Variants in TRDN observed in about 807,000 individuals in gnomAD.
The protein encoded by TRDN is triadin, also known as triadin in skeletal muscle.
In TRDN, 161 loss-of-function variants were observed where a neutral mutation model predicts 149.7. The ratio of observed to expected loss-of-function variants is 1.08; its 90% confidence interval spans 0.95 to 1.23. The LOEUF (loss-of-function observed/expected upper bound fraction) is 1.23. Ranked by LOEUF, TRDN falls within the 50% of genes most tolerant of loss-of-function variation. TRDN has a pLI of 0.00. For missense variants in TRDN, 896 were observed against 823.5 expected (o/e 1.09, Z -1.08); for synonymous variants, 294 against 250.5 (o/e 1.17, Z -1.64).
At chr6:123,298,953 T>C (rs1161410655) in intron 24 of TRDN, among the ~76,000 whole-genome samples, 2 of 152,086 alleles carry the variant, frequency 1.3e-5, no homozygotes, top group East Asian at 3.8e-4. Flanking sequence ...TTACTTCACC[T>C]AACAAACGGA....
intron 18 of TRDN, among the ~76,000 whole-genome samples, chr6:123,377,460 T>C (rs575359829): frequency 6.6e-6 from 1 of 152,286 alleles, no homozygotes; most frequent in Non-Finnish European, 1.5e-5. Flanking sequence ...AAATCCTTCA[T>C]TTCTAATAAC....
At chr6:123,424,980 G>T (rs1774055210) in intron 12 of TRDN, among the ~76,000 whole-genome samples, 1 of 152,172 alleles carries the variant, frequency 6.6e-6, no homozygotes, top group Non-Finnish European at 1.5e-5. Context: ...TCATATTGTT[G>T]TTACACTATG....
At chr6:123,466,487 A>C (rs1776823468) in intron 9 of TRDN, among the ~76,000 whole-genome samples, 1 of 152,138 alleles carries the variant, frequency 6.6e-6, no homozygotes, top group African/African-American at 2.4e-5. Context: ...GCAGGTTCCC[A>C]AGTTGCAATT....
chr6:123,279,138 A>T, intron 24 of TRDN, 56 bp from the exon 25 acceptor site: 1 of 1,346,752 alleles, frequency 7.4e-7, no homozygotes, highest in Non-Finnish European at 1.0e-6. Context: ...TTATTAAATT[A>T]ACATTATTGA....
At chr6:123,487,199 C>T (rs189089155) in intron 9 of TRDN, among the ~76,000 whole-genome samples, 2 of 152,040 alleles carry the variant, frequency 1.3e-5, no homozygotes, top group East Asian at 3.9e-4. Context: ...ATATATTGCT[C>T]CATTTCAGGT....
intron 21 of TRDN, among the ~76,000 whole-genome samples, chr6:123,341,879 T>C (rs9385298): frequency 0.18 from 28,088 of 151,852 alleles, 3,520 homozygotes; most frequent in East Asian, 0.63. Flanking sequence ...CATAAGAATG[T>C]GAAATAACAG....
intron 26 of TRDN, among the ~76,000 whole-genome samples, chr6:123,276,288 G>A (rs1317411337): frequency 1.3e-5 from 2 of 152,012 alleles, no homozygotes; most frequent in Non-Finnish European, 2.9e-5. Context: ...AAGAAAATGA[G>A]GAACATGTTA....
intron 6 of TRDN, among the ~76,000 whole-genome samples, chr6:123,512,813 G>A (rs553497812): frequency 1.1e-4 from 16 of 151,996 alleles, no homozygotes; most frequent in Admixed American, 2.0e-4. Context: ...ATTAAACTAC[G>A]AAAATTAAGT....
At chr6:123,509,039 T>A (rs974519713) in intron 7 of TRDN, among the ~76,000 whole-genome samples, 2 of 152,060 alleles carry the variant, frequency 1.3e-5, no homozygotes, top group African/African-American at 4.8e-5. Context: ...TATACACATA[T>A]ACACATACAT....
intron 1 of TRDN, among the ~76,000 whole-genome samples, chr6:123,584,770 C>T (rs1338123623): frequency 6.6e-6 from 1 of 152,098 alleles, no homozygotes; most frequent in African/African-American, 2.4e-5. Context: ...GTAAAGAAAG[C>T]ATGTTTGAGA....
chr6:123,484,424 C>CT (rs758659988), intron 9 of TRDN, among the ~76,000 whole-genome samples: 59 of 152,148 alleles, frequency 3.9e-4, no homozygotes, highest in Non-Finnish European at 6.2e-4. Flanking sequence ...TCAATCTTCA[C>CT]TTGTGCATAT....
chr6:123,385,720 C>G (rs1428764230), intron 14 of TRDN, among the ~76,000 whole-genome samples: 1 of 152,094 alleles, frequency 6.6e-6, no homozygotes, highest in African/African-American at 2.4e-5. Flanking sequence ...ATGGCTGGTT[C>G]TCAGTGGATT....
intron 24 of TRDN, among the ~76,000 whole-genome samples, chr6:123,295,015 G>C (rs537784261): frequency 7.2e-5 from 11 of 152,186 alleles, no homozygotes; most frequent in Non-Finnish European, 1.3e-4. Context: ...AATCTTTGAG[G>C]GGGCAGGAAA....
At chr6:123,387,249 G>A (rs962567481) in intron 14 of TRDN, among the ~76,000 whole-genome samples, 21 of 151,994 alleles carry the variant, frequency 1.4e-4, no homozygotes, top group East Asian at 1.9e-4. Flanking sequence ...TTTTATTTAC[G>A]TAGCTTCTTT....
chr6:123,436,662 T>C (rs1583017992), intron 12 of TRDN, among the ~76,000 whole-genome samples: 1 of 152,080 alleles, frequency 6.6e-6, no homozygotes, highest in East Asian at 1.9e-4. Flanking sequence ...TTCACTAAAA[T>C]GCCGTCTAAC....
chr6:123,606,609 G>A (rs1270573896), intron 1 of TRDN, among the ~76,000 whole-genome samples: 1 of 152,002 alleles, frequency 6.6e-6, no homozygotes, highest in Non-Finnish European at 1.5e-5. Flanking sequence ...ATATATGGTA[G>A]AAACAGAGGT....
At chr6:123,590,951 G>A (rs1256650070) in intron 1 of TRDN, among the ~76,000 whole-genome samples, 2 of 152,038 alleles carry the variant, frequency 1.3e-5, no homozygotes, top group Admixed American at 6.6e-5. Flanking sequence ...AACAGGGAAA[G>A]GACTGAATTT....
chr6:123,261,504 T>C (rs1478677993), intron 33 of TRDN, among the ~76,000 whole-genome samples: 1 of 151,682 alleles, frequency 6.6e-6, no homozygotes, highest in Non-Finnish European at 1.5e-5. Context: ...CCTGGAAAGT[T>C]TTTTTTAAAA....
At chr6:123,222,279 A>G (rs1397992335) in intron 39 of TRDN, among the ~76,000 whole-genome samples, 1 of 151,472 alleles carries the variant, frequency 6.6e-6, no homozygotes, top group Non-Finnish European at 1.5e-5. Context: ...CAATTTTTCA[A>G]TTGGTTCTAG....
Sources: gnomAD v4.1 joint callset for allele counts (sites outside exome capture counted in the v4.1 genomes callset) on GRCh38, gnomAD v4.1.1 for gene constraint, MANE v1.5 for transcripts, NCBI Gene and HGNC (gene_info 2026-07-23, HGNC 2026-07-21) for gene names.